Variants in TRAFD1 observed in about 807,000 individuals in gnomAD.
TRAFD1 encodes TRAF-type zinc finger domain containing 1.
TRAFD1 carries 38 observed loss-of-function variants against 65.3 expected under a neutral mutation model. The observed-to-expected ratio is 0.58, with a 90% CI of 0.45 to 0.76. TRAFD1 has a LOEUF of 0.76. Ranked by LOEUF, TRAFD1 falls within the 30% of genes least tolerant of loss-of-function variation. The pLI is 0.00. For missense variants in TRAFD1, 631 were observed against 712.6 expected (o/e 0.89, Z 1.30); for synonymous variants, 223 against 257.2 (o/e 0.87, Z 1.27).
chr12:112,144,340 G>C (rs922630776), intron 6 of TRAFD1, among the ~76,000 whole-genome samples: 3 of 151,722 alleles, frequency 2.0e-5, no homozygotes, highest in Non-Finnish European at 4.4e-5. Flanking sequence ...CGCGATCTTG[G>C]CTCATTGCAA....
intron 9 of TRAFD1, 21 bp downstream of exon 9, chr12:112,149,892 A>G (rs2030356500): frequency 6.2e-7 from 1 of 1,613,588 alleles, no homozygotes; most frequent in Non-Finnish European, 8.5e-7. Context: ...GCCAGGACTC[A>G]GCCAAGGCCG....
At chr12:112,141,845 C>T in intron 5 of TRAFD1, 1 of 477,524 alleles carries the variant, frequency 2.1e-6, no homozygotes, top group South Asian at 2.8e-5. Flanking sequence ...GTGCCTGTCT[C>T]ATAATTATGG....
chr12:112,147,960 C>T (rs561774169), intron 7 of TRAFD1, 114 bp from the exon 8 acceptor site: 115 of 993,618 alleles, frequency 1.2e-4, no homozygotes, highest in South Asian at 5.8e-4. Flanking sequence ...TGAGCCACCG[C>T]GCCCGGCCAA....
Position 112,137,214 on chromosome 12 carries a change from C to T in TRAFD1, c.237+2148C>T, listed in dbSNP as rs1249724719. The stretch of plus-strand genomic sequence containing the variant: ...CTCCAGCCTGGGTGACAGGGTGAGA[C>T]TCCATCTAAAACAAACAAAAAAAAA... On this transcript the variant is annotated intron_variant, in intron 4 of 11. Coordinates refer to ENST00000412615, the MANE Select transcript of TRAFD1 (RefSeq NM_006700.3). This position sits in a 1 kb window ranked among gnomAD's most constrained non-coding sequence, Gnocchi z 4.2. Among the ~76,000 whole-genome samples the T allele has an allele frequency of 6.6e-6, 1 of 152,086 alleles. No homozygotes were observed. The highest frequency in any genetic ancestry group is 1.9e-4 in the East Asian group (1 of 5,196).
At position 112,152,856 on chromosome 12, in the gene TRAFD1, A is replaced by G; in HGVS notation, c.*65A>G. The G allele has an allele frequency of 6.3e-7, 1 of 1,575,864 alleles. No individual in the cohort carries two copies. Among genetic ancestry groups the G allele is most frequent in the Non-Finnish European group, 8.6e-7 (1 of 1,156,394 alleles). ...TGCACAGCAGCACTTGCCGCTGTGC[A>G]GGCCCACCTCTTTGGCTCTTTGGGT... On this transcript the variant is annotated 3_prime_UTR_variant, in exon 12 of 12. Coordinates refer to ENST00000412615, the MANE Select transcript of TRAFD1 (RefSeq NM_006700.3). The surrounding 1 kb of genome is among the most constrained non-coding windows in gnomAD (Gnocchi z 5.0).
Position 112,152,071 on chromosome 12 carries a change from C to T in TRAFD1, c.1550C>T (p.Pro517Leu). ...GGGCACGTTTCAGTGATTCGCCCTCCTCAAAATCTCTACCCAGAAAACATT... is the reference window on the plus strand; with the variant it reads ...GGGCACGTTTCAGTGATTCGCCCTCTTCAAAATCTCTACCCAGAAAACATT... ...APGHVSVIRPPQNLYPENIVP... is the reference protein window; with the variant it reads ...APGHVSVIRPLQNLYPENIVP... The change falls in exon 10 of 12, where the codon CCT becomes CTT. Residue 517 changes from proline (P) to leucine (L), a missense_variant. By Grantham distance (98) the Pro-to-Leu change is moderately conservative. Transcript: ENST00000412615. This position sits in a 1 kb window ranked among gnomAD's most constrained non-coding sequence, Gnocchi z 5.0. The T allele has an allele frequency of 6.2e-7, 1 of 1,614,180 alleles. No individual in the cohort carries two copies. Among genetic ancestry groups the T allele is most frequent in the South Asian group, 1.1e-5 (1 of 91,090 alleles).
intron 4 of TRAFD1, among the ~76,000 whole-genome samples, chr12:112,138,656 A>AAGACC (rs2029988147): frequency 6.6e-6 from 1 of 151,610 alleles, no homozygotes; most frequent in African/African-American, 2.4e-5. Flanking sequence ...TCAAGAGTTC[A>AAGACC]AGACCAGACT....
intron 6 of TRAFD1, among the ~76,000 whole-genome samples, chr12:112,144,377 TCTC>T (rs1039078305): frequency 6.6e-6 from 1 of 151,968 alleles, no homozygotes; most frequent in African/African-American, 2.4e-5. Context: ...TCAAGTGATT[TCTC>T]CTGCCTCAGC....
In TRAFD1 at chr12:112,152,050, A is replaced by C. The variant is rs2030424936; in HGVS notation, c.1529A>C (p.His510Pro). 1 of 1,614,122 alleles carries C rather than the reference A, an allele frequency of 6.2e-7. No individual in the cohort carries two copies. The highest frequency in any genetic ancestry group is 1.3e-5 in the African/African-American group (1 of 74,944). The stretch of plus-strand genomic sequence containing the variant: ...CAGAATGGGGCCATAGCCCCTGGGC[A>C]CGTTTCAGTGATTCGCCCTCCTCAA... ...DSQNGAIAPG[H>P]VSVIRPPQNL... The change falls in exon 10 of 12, where the codon CAC becomes CCC. Residue 510 changes from histidine to proline, a missense_variant. His to Pro is a moderately conservative substitution (Grantham distance 77). Coordinates refer to ENST00000412615, the MANE Select transcript of TRAFD1 (RefSeq NM_006700.3). The surrounding 1 kb of genome is among the most constrained non-coding windows in gnomAD (Gnocchi z 5.0).
rs767345908 is a variant in TRAFD1, at chr12:112,142,315, A to T, written c.850+20A>T. ...TAAAGGGTAGGCTTGCTTATTCTGC[A>T]CTAGCCTCTTTCTCTACAGTTTTTG... On this transcript the variant is annotated intron_variant, in intron 6 of 11. Coordinates refer to ENST00000412615, the MANE Select transcript of TRAFD1 (RefSeq NM_006700.3). 1.3e-6 allele frequency: 2 copies of T among 1,597,800 alleles called. No homozygotes were observed. The highest frequency in any genetic ancestry group is 1.7e-6 in the Non-Finnish European group (2 of 1,167,220).
intron 8 of TRAFD1, among the ~76,000 whole-genome samples, chr12:112,148,556 G>C (rs1449726859): frequency 6.6e-6 from 1 of 152,160 alleles, no homozygotes; most frequent in Non-Finnish European, 1.5e-5. Flanking sequence ...GACTCTATTT[G>C]AGCAGGTGTG....
intron 4 of TRAFD1, among the ~76,000 whole-genome samples, chr12:112,138,593 C>T (rs1438709547): frequency 6.6e-6 from 1 of 150,558 alleles, no homozygotes; most frequent in African/African-American, 2.4e-5. Context: ...CGTGGTGGCT[C>T]ACGCCTGTAA....
intron 1 of TRAFD1, among the ~76,000 whole-genome samples, chr12:112,129,059 G>C (rs1350581813): frequency 6.8e-6 from 1 of 147,358 alleles, no homozygotes; most frequent in East Asian, 2.0e-4. Context: ...AAGCCAGTAT[G>C]CTTAACAAGG....
chr12:112,142,452 G>C (rs2030122163), intron 6 of TRAFD1, among the ~76,000 whole-genome samples, 157 bp downstream of exon 6: 1 of 151,856 alleles, frequency 6.6e-6, no homozygotes, highest in African/African-American at 2.4e-5. Context: ...GTCTCGCCCT[G>C]TCACCCAGGC....
chr12:112,127,902 C>T (rs1422203321), intron 1 of TRAFD1, among the ~76,000 whole-genome samples: 1 of 151,674 alleles, frequency 6.6e-6, no homozygotes, highest in Non-Finnish European at 1.5e-5. Flanking sequence ...CAGGGTCTTA[C>T]TATGTTTCCT....
rs140512643 is a variant in TRAFD1, at chr12:112,152,480, A to G, written c.1673A>G (p.Tyr558Cys). The change falls in exon 11 of 12, where the codon TAC (tyrosine) becomes TGC (cysteine). Residue 558 changes from tyrosine to cysteine, a missense_variant. By Grantham distance (194) the Tyr-to-Cys change is radical. Coordinates refer to ENST00000412615, the MANE Select transcript of TRAFD1 (RefSeq NM_006700.3). This position sits in a 1 kb window ranked among gnomAD's most constrained non-coding sequence, Gnocchi z 5.0. ...NSRVTPAAAN[Y>C]RSRTAKAKPS... ...CGGGTCACCCCTGCAGCTGCCAACT[A>G]CCGCAGCAGAACTGCAAAGGTAAGG... 44 of 1,614,036 alleles carry G rather than the reference A, an allele frequency of 2.7e-5. No homozygotes were observed. Among genetic ancestry groups the G allele is most frequent in the Non-Finnish European group, 3.7e-5 (44 of 1,180,040 alleles).
intron 4 of TRAFD1, among the ~76,000 whole-genome samples, chr12:112,136,111 A>G (rs1226466546): frequency 6.6e-6 from 1 of 150,524 alleles, no homozygotes; most frequent in Non-Finnish European, 1.5e-5. Flanking sequence ...CCTGGATGAC[A>G]GGGTGAGACT....
At chr12:112,149,591 G>T (rs2030345687) in intron 8 of TRAFD1, 160 bp from the exon 9 acceptor site, 2 of 878,572 alleles carry the variant, frequency 2.3e-6, no homozygotes, top group South Asian at 3.6e-5. Flanking sequence ...GGGATTGAAT[G>T]CAACCATTCC....
Position 112,152,885 on chromosome 12 carries a change from AG to A in TRAFD1, c.*95del. 7.0e-7 allele frequency: 1 copy of A among 1,436,402 alleles called. No individual in the cohort carries two copies. The highest frequency in any genetic ancestry group is 9.5e-7 in the Non-Finnish European group (1 of 1,047,416). The allele number at this position is 1,436,402 out of a possible 1,614,324, so 89.0% of individuals were successfully genotyped here. ...CCACCTCTTTGGCTCTTTGGGTGGG[AG>A]AGTTTTTCCAGATTTTAGATTTTTC... On this transcript the variant is annotated 3_prime_UTR_variant, in exon 12 of 12. Coordinates refer to ENST00000412615, the MANE Select transcript of TRAFD1 (RefSeq NM_006700.3). This position sits in a 1 kb window ranked among gnomAD's most constrained non-coding sequence, Gnocchi z 5.0.
Sources: gnomAD v4.1 joint callset for allele counts (sites outside exome capture counted in the v4.1 genomes callset) on GRCh38, gnomAD v4.1.1 for gene constraint, Gnocchi (gnomAD v3.1) non-coding constraint, MANE v1.5 for transcripts, NCBI Gene and HGNC (gene_info 2026-07-23, HGNC 2026-07-21) for gene names.